Variants in KIAA0825 observed in about 807,000 individuals in gnomAD.
KIAA0825 encodes KIAA0825, also known as uncharacterized protein KIAA0825.
Under a neutral mutation model 147.6 loss-of-function variants are expected in KIAA0825, and 119 were observed. The ratio of observed to expected loss-of-function variants is 0.81; its 90% confidence interval spans 0.69 to 0.94. The LOEUF is 0.94. KIAA0825 is among the 40% of genes least tolerant of loss of function. The pLI, the probability that KIAA0825 is intolerant of heterozygous loss-of-function variation, is 0.00. For missense variants in KIAA0825, 1,381 were observed against 1,472.7 expected, an observed-to-expected ratio of 0.94 and a Z score of 1.02; for synonymous variants, 470 against 518.1, an observed-to-expected ratio of 0.91 and a Z score of 1.26.
At chr5:94,612,333 C>T (rs1468350099) in intron 1 of KIAA0825, among the ~76,000 whole-genome samples, 1 of 152,130 alleles carries the variant, frequency 6.6e-6, no homozygotes, top group African/African-American at 2.4e-5. Context: ...CATTGAATAC[C>T]GTGGCAACAT....
At chr5:94,296,663 C>T (rs1778152926) in intron 20 of KIAA0825, among the ~76,000 whole-genome samples, 1 of 152,128 alleles carries the variant, frequency 6.6e-6, no homozygotes, top group African/African-American at 2.4e-5. Flanking sequence ...GAGGGAGTTC[C>T]CTGATCCTTT....
chr5:94,338,590 T>C (rs1782048517), intron 20 of KIAA0825, among the ~76,000 whole-genome samples: 1 of 152,186 alleles, frequency 6.6e-6, no homozygotes, highest in African/African-American at 2.4e-5. Flanking sequence ...ATCTTTACTG[T>C]ACTGTTTAGT....
intron 15 of KIAA0825, among the ~76,000 whole-genome samples, chr5:94,408,454 A>G (rs936253197): frequency 6.6e-6 from 1 of 151,950 alleles, no homozygotes; most frequent in Non-Finnish European, 1.5e-5. Flanking sequence ...GGTTCAAGCA[A>G]TTCTGCCTCA....
At chr5:94,160,665 T>C (rs1767487932) in intron 20 of KIAA0825, among the ~76,000 whole-genome samples, 2 of 149,050 alleles carry the variant, frequency 1.3e-5, no homozygotes, top group Non-Finnish European at 3.0e-5. Flanking sequence ...ATACTGTATG[T>C]ATGTATATTT....
chr5:94,162,487 TG>T (rs543271752), intron 20 of KIAA0825, among the ~76,000 whole-genome samples: 134 of 152,186 alleles, frequency 8.8e-4, no homozygotes, highest in African/African-American at 3.1e-3. Context: ...AGCATTTTTC[TG>T]TAGAGAAGAG....
intron 2 of KIAA0825, among the ~76,000 whole-genome samples, chr5:94,573,634 G>C (rs917306093): frequency 6.6e-6 from 1 of 152,146 alleles, no homozygotes; most frequent in African/African-American, 2.4e-5. Flanking sequence ...TTCCTATTCA[G>C]ATCTTTAAAA....
chr5:94,351,841 A>C (rs920429104), intron 20 of KIAA0825, among the ~76,000 whole-genome samples: 3 of 152,226 alleles, frequency 2.0e-5, no homozygotes, highest in African/African-American at 7.2e-5. Flanking sequence ...CACCCTTTTC[A>C]ATAAATGGTG....
At chr5:94,548,067 C>T (rs182258008) in intron 2 of KIAA0825, among the ~76,000 whole-genome samples, 1 of 152,112 alleles carries the variant, frequency 6.6e-6, no homozygotes, top group Non-Finnish European at 1.5e-5. Context: ...AAGAAGAAAT[C>T]ATCTGAAGAC....
intron 20 of KIAA0825, among the ~76,000 whole-genome samples, chr5:94,350,057 GAA>G (rs1397423911): frequency 6.6e-6 from 1 of 152,046 alleles, no homozygotes; most frequent in Admixed American, 6.5e-5. Flanking sequence ...AAAGAAGAGA[GAA>G]AATCCAAATA....
intron 20 of KIAA0825, among the ~76,000 whole-genome samples, chr5:94,362,266 G>A (rs982020656): frequency 7.9e-5 from 12 of 152,218 alleles, no homozygotes; most frequent in African/African-American, 2.9e-4. Context: ...TATTCTCCAC[G>A]GATAGGCCTA....
intron 5 of KIAA0825, among the ~76,000 whole-genome samples, chr5:94,499,112 G>A (rs1024532905): frequency 6.6e-6 from 1 of 152,156 alleles, no homozygotes; most frequent in Non-Finnish European, 1.5e-5. Context: ...TGGCAAAGCA[G>A]TTTCCTCAAA....
At chr5:94,426,563 G>A (rs1754915184) in intron 14 of KIAA0825, among the ~76,000 whole-genome samples, 1 of 152,258 alleles carries the variant, frequency 6.6e-6, no homozygotes, top group South Asian at 2.1e-4. Context: ...TAGCGTGCGG[G>A]TCAGAGGCTA....
intron 2 of KIAA0825, chr5:94,568,294 C>T (rs1449424424): frequency 6.3e-6 from 1 of 158,336 alleles, no homozygotes; most frequent in Non-Finnish European, 1.4e-5. Context: ...TCCTCACGGG[C>T]TTCTATTCCA....
chr5:94,513,186 T>A (rs1766750546), intron 5 of KIAA0825, among the ~76,000 whole-genome samples: 1 of 152,174 alleles, frequency 6.6e-6, no homozygotes, highest in African/African-American at 2.4e-5. Flanking sequence ...AAAATGTTAC[T>A]TATATTTTTA....
intron 2 of KIAA0825, among the ~76,000 whole-genome samples, chr5:94,563,092 A>C (rs1249109818): frequency 1.3e-5 from 2 of 152,098 alleles, no homozygotes; most frequent in African/African-American, 2.4e-5. Context: ...CTGTAATCCC[A>C]GCACTTTGGG....
chr5:94,361,925 C>A (rs2150406865), intron 20 of KIAA0825, among the ~76,000 whole-genome samples: 1 of 152,276 alleles, frequency 6.6e-6, no homozygotes, highest in Middle Eastern at 3.4e-3. Flanking sequence ...CAAACTTACA[C>A]ACACTGAAGA....
intron 1 of KIAA0825, among the ~76,000 whole-genome samples, chr5:94,596,560 G>C (rs755084079): frequency 1.3e-5 from 2 of 152,048 alleles, no homozygotes; most frequent in African/African-American, 2.4e-5. Flanking sequence ...TGGCTATTTG[G>C]GCTCCTTTTG....
At chr5:94,344,940 G>T (rs556490459) in intron 20 of KIAA0825, among the ~76,000 whole-genome samples, 1 of 152,272 alleles carries the variant, frequency 6.6e-6, no homozygotes, top group Admixed American at 6.5e-5. Context: ...TTGATAATGG[G>T]TACAGTTTCA....
At chr5:94,157,258 A>G (rs558010868) in intron 20 of KIAA0825, among the ~76,000 whole-genome samples, 9 of 152,060 alleles carry the variant, frequency 5.9e-5, no homozygotes, top group Non-Finnish European at 1.3e-4. Flanking sequence ...CCTGCCTACT[A>G]TTATAGAAGA....
Sources: allele counts gnomAD v4.1 joint callset (sites outside exome capture counted in the v4.1 genomes callset), GRCh38; gene constraint gnomAD v4.1.1; transcripts MANE v1.5; gene names NCBI Gene and HGNC (gene_info 2026-07-23, HGNC 2026-07-21).